Variants in SPAG16 observed in about 807,000 individuals in gnomAD.
SPAG16 encodes the protein sperm associated antigen 16.
Under a neutral mutation model 80.4 loss-of-function variants are expected in SPAG16, and 86 were observed. The observed-to-expected ratio is 1.07, with a 90% CI of 0.90 to 1.28. The LOEUF is 1.28. Ranked by LOEUF, SPAG16 falls within the 50% of genes most tolerant of loss-of-function variation. The probability of loss-of-function intolerance (pLI) is 0.00; values close to 1 mark genes in which losing one functional copy is unlikely to be tolerated. For synonymous variants in SPAG16, 294 were observed against 265.9 expected (o/e 1.11, Z -1.03); for missense variants, 870 against 765.3 (o/e 1.14, Z -1.61).
chr2:213,745,814 C>T lies in SPAG16; in HGVS notation c.1071-116671C>T, dbSNP rs577364056. Among the ~76,000 whole-genome samples the T allele has an allele frequency of 3.3e-5, 5 of 152,158 alleles. No individual in the cohort carries two copies. In the East Asian group the frequency reaches 9.6e-4, roughly 29 times the overall value. ...AAAAATCACTTCTTGACCTTAAATA[C>T]TAGAATGTAATAATAAAAGAGATTA... On this transcript the variant is annotated intron_variant, in intron 10 of 15. Transcript: ENST00000331683.
chr2:214,092,365 T>C (rs2052274185), intron 13 of SPAG16, among the ~76,000 whole-genome samples: 1 of 152,092 alleles, frequency 6.6e-6, no homozygotes, highest in African/African-American at 2.4e-5. Context: ...AGCAGGTGAA[T>C]TGGTAGTTGT....
chr2:213,648,915 C>T (rs920881230), intron 10 of SPAG16, among the ~76,000 whole-genome samples: 8 of 152,130 alleles, frequency 5.3e-5, no homozygotes, highest in African/African-American at 1.9e-4. Context: ...ATATGGCTGA[C>T]AGACCCTACC....
chr2:214,225,989 C>G (rs987933000), intron 15 of SPAG16, among the ~76,000 whole-genome samples: 10 of 152,260 alleles, frequency 6.6e-5, no homozygotes, highest in Admixed American at 6.6e-4. Flanking sequence ...AGGAGTCTGA[C>G]TACTTCCGGT....
chr2:213,638,500 C>G (rs113230117), intron 10 of SPAG16, among the ~76,000 whole-genome samples: 1,583 of 152,170 alleles, frequency 0.01, 25 homozygotes, highest in African/African-American at 0.035. Flanking sequence ...TCATTGTTGA[C>G]CCAAAGACCA....
At chr2:213,914,721 G>T (rs984082425) in intron 11 of SPAG16, among the ~76,000 whole-genome samples, 2 of 152,224 alleles carry the variant, frequency 1.3e-5, no homozygotes, top group South Asian at 4.1e-4. Context: ...CAGCATATTT[G>T]TATACTGATC....
At chr2:213,295,013 TGTAA>T (rs939453983) in intron 1 of SPAG16, among the ~76,000 whole-genome samples, 1 of 152,172 alleles carries the variant, frequency 6.6e-6, no homozygotes, top group African/African-American at 2.4e-5. Context: ...TTAAATACTG[TGTAA>T]GTGTTATCTG....
chr2:213,588,616 C>T (rs1209491615), intron 10 of SPAG16, among the ~76,000 whole-genome samples: 1 of 150,482 alleles, frequency 6.6e-6, no homozygotes, highest in Non-Finnish European at 1.5e-5. Context: ...TCCTGGCTAA[C>T]AAGGTGAAAC....
At chr2:214,374,795 A>AAAAC (rs1559252820) in intron 15 of SPAG16, among the ~76,000 whole-genome samples, 2 of 152,204 alleles carry the variant, frequency 1.3e-5, no homozygotes, top group African/African-American at 4.8e-5. Flanking sequence ...TCGATTAACT[A>AAAAC]AAACATCACA....
chr2:214,176,769 C>A (rs1226112651), intron 15 of SPAG16, among the ~76,000 whole-genome samples: 2 of 150,854 alleles, frequency 1.3e-5, no homozygotes, highest in Admixed American at 1.3e-4. Context: ...AGAGCAAATT[C>A]CACTAGTGCC....
At chr2:214,059,186 C>CTCTCTCTA (rs1553706143) in intron 13 of SPAG16, among the ~76,000 whole-genome samples, 1 of 114,390 alleles carries the variant, frequency 8.7e-6, no homozygotes, top group African/African-American at 3.5e-5. Flanking sequence ...CTCTCTCTGT[C>CTCTCTCTA]TATATATATA....
intron 13 of SPAG16, among the ~76,000 whole-genome samples, chr2:214,044,460 A>G (rs2049202730): frequency 6.6e-6 from 1 of 152,170 alleles, no homozygotes; most frequent in Non-Finnish European, 1.5e-5. Flanking sequence ...ATGAAACATT[A>G]TTTGGGGGAG....
chr2:213,846,267 T>G (rs947321653), intron 10 of SPAG16, among the ~76,000 whole-genome samples: 1 of 152,242 alleles, frequency 6.6e-6, no homozygotes, highest in Middle Eastern at 3.4e-3. Flanking sequence ...TTTAGAAAGA[T>G]TGAGAACTTA....
At chr2:213,932,628 A>G (rs1320900260) in intron 12 of SPAG16, among the ~76,000 whole-genome samples, 2 of 152,176 alleles carry the variant, frequency 1.3e-5, no homozygotes, top group Non-Finnish European at 2.9e-5. Context: ...CTTCTGGCTC[A>G]GTCTTGAACA....
intron 9 of SPAG16, among the ~76,000 whole-genome samples, chr2:213,433,976 A>G (rs1284678996): frequency 7.1e-6 from 1 of 141,376 alleles, no homozygotes; most frequent in Non-Finnish European, 1.5e-5. Flanking sequence ...GCTAGAGTGC[A>G]ATGGCCCTAT....
At chr2:214,053,068 A>C (rs2049746433) in intron 13 of SPAG16, among the ~76,000 whole-genome samples, 1 of 152,192 alleles carries the variant, frequency 6.6e-6, no homozygotes, top group African/African-American at 2.4e-5. Context: ...GATTTAAGAC[A>C]TGAAAATTAG....
At chr2:213,435,181 A>G (rs1278086659) in intron 9 of SPAG16, among the ~76,000 whole-genome samples, 1 of 152,226 alleles carries the variant, frequency 6.6e-6, no homozygotes, top group Non-Finnish European at 1.5e-5. Context: ...AGCAACATGG[A>G]TATGTAATAC....
intron 9 of SPAG16, among the ~76,000 whole-genome samples, chr2:213,407,508 C>T (rs1559100469): frequency 6.6e-6 from 1 of 151,822 alleles, no homozygotes; most frequent in Non-Finnish European, 1.5e-5. Context: ...TTGACACAAC[C>T]CCCCCGTTCA....
intron 15 of SPAG16, among the ~76,000 whole-genome samples, chr2:214,319,934 T>C (rs889314840): frequency 6.6e-6 from 1 of 152,110 alleles, no homozygotes; most frequent in Admixed American, 6.5e-5. Flanking sequence ...ATCTATAGCA[T>C]AGAGCATTTC....
chr2:213,422,845 A>G (rs1305374189), intron 9 of SPAG16, among the ~76,000 whole-genome samples: 6 of 152,224 alleles, frequency 3.9e-5, no homozygotes, highest in Admixed American at 3.9e-4. Context: ...CTAGCATTTG[A>G]CATCCAAGCC....
Sources: gnomAD v4.1 joint callset for allele counts (sites outside exome capture counted in the v4.1 genomes callset) on GRCh38, gnomAD v4.1.1 for gene constraint, MANE v1.5 for transcripts, NCBI Gene and HGNC (gene_info 2026-07-23, HGNC 2026-07-21) for gene names.